The following PCDHGA8 variants were observed in gnomAD, a reference collection of about 807,000 sequenced individuals.
The protein encoded by PCDHGA8 is protocadherin gamma subfamily A, 8, also known as protocadherin gamma-A8.
Under a neutral mutation model 59.2 loss-of-function variants are expected in PCDHGA8, and 45 were observed. That is an observed-to-expected ratio of 0.76 (90% CI 0.60 to 0.98). The LOEUF (loss-of-function observed/expected upper bound fraction) is 0.98, where lower values mean the gene tolerates loss of function less well. PCDHGA8 is among the 50% of genes least tolerant of loss of function. The pLI is 0.00. For synonymous variants in PCDHGA8, 531 were observed against 519.0 expected (o/e 1.02, Z -0.32); for missense variants, 1,257 against 1,196.2 (o/e 1.05, Z -0.75).
chr5:141,499,401 C>A lies in PCDHGA8; in HGVS notation c.2483+4536C>A, dbSNP rs115575614. ...TTCCACTTATAAAATAGTACATGCTCATTATAGAAACATGAAAAATAGAAA... is the reference window on the plus strand; with the variant it reads ...TTCCACTTATAAAATAGTACATGCTAATTATAGAAACATGAAAAATAGAAA... On this transcript the variant is annotated intron_variant, in intron 2 of 3. Coordinates refer to ENST00000398604, the MANE Select transcript of PCDHGA8 (RefSeq NM_032088.2). Among the ~76,000 whole-genome samples, 871 of 152,186 alleles carry A rather than the reference C, an allele frequency of 5.7e-3. 5 individuals are homozygous for A. Among genetic ancestry groups the A allele is most frequent in the African/African-American group, 0.02 (847 of 41,502 alleles).
intron 1 of PCDHGA8, among the ~76,000 whole-genome samples, chr5:141,397,737 C>T (rs2093564219): frequency 6.6e-6 from 1 of 152,164 alleles, no homozygotes. Flanking sequence ...GAGAAAGATA[C>T]CTTAAAGAAG....
Position 141,489,161 on chromosome 5 carries a change from A to T in PCDHGA8, c.2425-5646A>T. ...GCTGGAAGGAGACATAAGAGACTTC[A>T]GCTGCTGCATTCCAAGCCCTGGGTC... On this transcript the variant is annotated intron_variant, in intron 1 of 3. Coordinates refer to ENST00000398604, the MANE Select transcript of PCDHGA8 (RefSeq NM_032088.2). The surrounding 1 kb of genome is among the most constrained non-coding windows in gnomAD (Gnocchi z 4.5). 1.9e-6 allele frequency: 2 copies of T among 1,040,278 alleles called. No individual in the cohort carries two copies. The highest frequency in any genetic ancestry group is 2.8e-6 in the Non-Finnish European group (2 of 709,676). 64.4% of individuals were successfully genotyped at this position (1,040,278 alleles called of 1,614,324 possible).
chr5:141,415,866 T>A, intron 1 of PCDHGA8: 1 of 1,115,266 alleles, frequency 9.0e-7, no homozygotes, highest in Non-Finnish European at 1.2e-6. Context: ...GTTTATAGTG[T>A]TGTTGAGTAC....
Position 141,423,964 on chromosome 5 carries a change from A to G in PCDHGA8, c.2424+28727A>G, listed in dbSNP as rs569611136. On this transcript the variant is annotated intron_variant, in intron 1 of 3. Coordinates refer to ENST00000398604, the MANE Select transcript of PCDHGA8 (RefSeq NM_032088.2). ...AGTTGAATTTTAGTATTATTTTTCT[A>G]TTATCAGTGTATGAGGCTCTCAATT... The G allele has an allele frequency of 5.2e-5, 61 of 1,163,648 alleles. 2 individuals carry two copies. In the South Asian group the frequency reaches 1.7e-3, roughly 32 times the overall value. 72.1% of individuals were successfully genotyped at this position (1,163,648 alleles called of 1,614,324 possible).
At chr5:141,504,206 A>G (rs1209911822) in intron 2 of PCDHGA8, among the ~76,000 whole-genome samples, 1 of 152,218 alleles carries the variant, frequency 6.6e-6, no homozygotes, top group African/African-American at 2.4e-5. Flanking sequence ...CTGTGGGAAA[A>G]TTCCAAGTAG....
At chr5:141,398,511 C>A in intron 1 of PCDHGA8, 1 of 1,595,066 alleles carries the variant, frequency 6.3e-7, no homozygotes, top group Non-Finnish European at 8.5e-7. Flanking sequence ...ACATTAATGA[C>A]CACACGCCAA....
chr5:141,407,981 C>G, intron 1 of PCDHGA8: 4 of 770,010 alleles, frequency 5.2e-6, no homozygotes, highest in Non-Finnish European at 7.8e-6. Flanking sequence ...GCCGGGGATC[C>G]GTCAGCCTCT....
intron 1 of PCDHGA8, among the ~76,000 whole-genome samples, chr5:141,484,072 G>A (rs2099591675): frequency 6.6e-6 from 1 of 152,258 alleles, no homozygotes; most frequent in Admixed American, 6.5e-5. Flanking sequence ...TGAAAAGCTT[G>A]CTCTTTTGAA....
In PCDHGA8 at chr5:141,491,081, C is replaced by T; in HGVS notation, c.2425-3726C>T. The T allele has an allele frequency of 6.2e-7, 1 of 1,614,176 alleles. No individual in the cohort carries two copies. The highest frequency in any genetic ancestry group is 8.5e-7 in the Non-Finnish European group (1 of 1,180,010). On this transcript the variant is annotated intron_variant, in intron 1 of 3. Coordinates refer to ENST00000398604, the MANE Select transcript of PCDHGA8 (RefSeq NM_032088.2). The surrounding 1 kb of genome is among the most constrained non-coding windows in gnomAD (Gnocchi z 6.9). Reference sequence around the variant, plus strand: ...TCCTACTCACTGTTGCCACAGTCCACAGCCCCAGGACTGTTCCTCGTGTCT... The same window carrying T: ...TCCTACTCACTGTTGCCACAGTCCATAGCCCCAGGACTGTTCCTCGTGTCT...
intron 1 of PCDHGA8, 173 bp downstream of exon 1, chr5:141,395,410 A>G: frequency 1.2e-6 from 1 of 801,764 alleles, no homozygotes; most frequent in Non-Finnish European, 1.9e-6. Context: ...GTCATAGGTT[A>G]TTGTTTCATT....
chr5:141,459,557 A>G (rs1052669136), intron 1 of PCDHGA8, among the ~76,000 whole-genome samples: 1 of 152,224 alleles, frequency 6.6e-6, no homozygotes, highest in East Asian at 1.9e-4. Context: ...TCTTGGATAA[A>G]TACCCCAAAA....
At chr5:141,417,859 G>T (rs925593025) in intron 1 of PCDHGA8, 10 of 1,548,090 alleles carry the variant, frequency 6.5e-6, no homozygotes, top group African/African-American at 2.7e-5. Context: ...CCGAGCGAAC[G>T]ATGGGAGGGA....
At position 141,432,660 on chromosome 5, in the gene PCDHGA8, A is replaced by G; in HGVS notation, c.2424+37423A>G. The G allele has an allele frequency of 6.2e-7, 1 of 1,613,768 alleles. No individual in the cohort carries two copies. Among genetic ancestry groups the G allele is most frequent in the African/African-American group, 1.3e-5 (1 of 75,026 alleles). ...GTGCGCACGGCGCGAGCCCTGCTGG[A>G]CAGAGACGCGCTCAAGCAGAGCCTC... On this transcript the variant is annotated intron_variant, in intron 1 of 3. Coordinates refer to ENST00000398604, the MANE Select transcript of PCDHGA8 (RefSeq NM_032088.2). The surrounding 1 kb of genome is among the most constrained non-coding windows in gnomAD (Gnocchi z 6.0).
Position 141,491,622 on chromosome 5 carries a change from C to T in PCDHGA8, c.2425-3185C>T, listed in dbSNP as rs980546113. 15 of 1,613,786 alleles carry T rather than the reference C, an allele frequency of 9.3e-6. No individual in the cohort carries two copies. Among genetic ancestry groups the T allele is most frequent in the Non-Finnish European group, 1.3e-5 (15 of 1,180,002 alleles). Reference sequence around the variant, plus strand: ...ACTTCACTTTTCTAAGACCCCTCAGCGTTCAGCAGCCCACAGCTCTGGCGC... The same window carrying T: ...ACTTCACTTTTCTAAGACCCCTCAGTGTTCAGCAGCCCACAGCTCTGGCGC... On this transcript the variant is annotated intron_variant, in intron 1 of 3. Transcript: ENST00000398604. This position sits in a 1 kb window ranked among gnomAD's most constrained non-coding sequence, Gnocchi z 6.9.
At position 141,422,391 on chromosome 5, in the gene PCDHGA8, T is replaced by A. The variant is rs1036823508; in HGVS notation, c.2424+27154T>A. On this transcript the variant is annotated intron_variant, in intron 1 of 3. Transcript: ENST00000398604. ...ATGGTCAAGTCTCCTGTTTTATTCCTAACCACCTGCCTTTTAAATTAGAAA... is the reference window on the plus strand; with the variant it reads ...ATGGTCAAGTCTCCTGTTTTATTCCAAACCACCTGCCTTTTAAATTAGAAA... 2.5e-6 allele frequency: 4 copies of A among 1,591,932 alleles called. No individual in the cohort carries two copies. The African/African-American group carries it at 4.1e-5, about 16-fold the overall frequency.
rs756476818 is a variant in PCDHGA8 at position 141,431,027 on chromosome 5, A to G, written c.2424+35790A>G. The G allele has an allele frequency of 6.2e-6, 10 of 1,614,034 alleles. No homozygotes were observed. The highest frequency in any genetic ancestry group is 1.1e-5 in the South Asian group (1 of 91,078). On this transcript the variant is annotated intron_variant, in intron 1 of 3. Coordinates refer to ENST00000398604, the MANE Select transcript of PCDHGA8 (RefSeq NM_032088.2). This position sits in a 1 kb window ranked among gnomAD's most constrained non-coding sequence, Gnocchi z 4.8. ...CGGCAGCTTGGTCACGGCGGGCAGG[A>G]TAGACCGGGAGGAGCTCTGTATGGG...
In PCDHGA8 at chr5:141,486,657, T is replaced by G. The variant is rs1171065175; in HGVS notation, c.2425-8150T>G. On this transcript the variant is annotated intron_variant, in intron 1 of 3. Transcript: ENST00000398604. The surrounding 1 kb of genome is among the most constrained non-coding windows in gnomAD (Gnocchi z 5.0). ...AATGCGCTTATCTCCTACTCACTCC[T>G]GGAGCCCAGGAATCGAGATGTATCA... 3 of 1,614,010 alleles carry G rather than the reference T, an allele frequency of 1.9e-6. No homozygotes were observed. Among genetic ancestry groups the G allele is most frequent in the Non-Finnish European group, 2.5e-6 (3 of 1,180,030 alleles).
chr5:141,462,883 A>T (rs557432183), intron 1 of PCDHGA8, among the ~76,000 whole-genome samples: 9 of 152,230 alleles, frequency 5.9e-5, no homozygotes, highest in African/African-American at 2.2e-4. Context: ...GAACTATTGC[A>T]GTTTGTTTTG....
At chr5:141,406,382 G>C (rs189693155) in intron 1 of PCDHGA8, among the ~76,000 whole-genome samples, 1 of 152,114 alleles carries the variant, frequency 6.6e-6, no homozygotes, top group Non-Finnish European at 1.5e-5. Context: ...TGATAAAAAG[G>C]TAAATGTATT....
Sources: allele counts gnomAD v4.1 joint callset (sites outside exome capture counted in the v4.1 genomes callset), GRCh38; gene constraint gnomAD v4.1.1; non-coding constraint Gnocchi (gnomAD v3.1); transcripts MANE v1.5; gene names NCBI Gene and HGNC (gene_info 2026-07-23, HGNC 2026-07-21).